AGBL1: variants seen among roughly 807,000 people sequenced by gnomAD.
AGBL1 encodes AGBL carboxypeptidase 1.
AGBL1 carries 130 observed loss-of-function variants against 118.9 expected under a neutral mutation model. That is an observed-to-expected ratio of 1.09 (90% CI 0.95 to 1.26). AGBL1 has a LOEUF of 1.26. Among genes scored for constraint, AGBL1 ranks in the 50% most tolerant of loss-of-function variants. The pLI, the probability that AGBL1 is intolerant of heterozygous loss-of-function variation, is 0.00. For missense variants in AGBL1, 1,584 were observed against 1,298.1 expected, an observed-to-expected ratio of 1.22 and a Z score of -3.38; for synonymous variants, 555 against 478.9, an observed-to-expected ratio of 1.16 and a Z score of -2.08.
chr15:86,314,714 T>C (rs926414221), intron 17 of AGBL1, among the ~76,000 whole-genome samples: 2 of 152,128 alleles, frequency 1.3e-5, no homozygotes, highest in African/African-American at 4.8e-5. Context: ...GAGACATTGC[T>C]TCCCCAGTAG....
At chr15:86,653,680 C>A (rs1301736768) in intron 21 of AGBL1, among the ~76,000 whole-genome samples, 1 of 152,084 alleles carries the variant, frequency 6.6e-6, no homozygotes, top group African/African-American at 2.4e-5. Flanking sequence ...TCTCCACTCC[C>A]AAATGGAAGA....
chr15:86,745,691 A>G (rs1469425940), intron 22 of AGBL1, among the ~76,000 whole-genome samples: 1 of 152,082 alleles, frequency 6.6e-6, no homozygotes, highest in East Asian at 1.9e-4. Context: ...GGGAAAATGG[A>G]TTGTCCAAGG....
At chr15:86,898,748 A>G (rs1240962783) in intron 22 of AGBL1, among the ~76,000 whole-genome samples, 2 of 152,222 alleles carry the variant, frequency 1.3e-5, no homozygotes, top group Non-Finnish European at 2.9e-5. Flanking sequence ...GATACTTTTC[A>G]AAAGAAGACA....
intron 18 of AGBL1, among the ~76,000 whole-genome samples, chr15:86,451,150 C>A (rs1232101948): frequency 6.6e-6 from 1 of 152,124 alleles, no homozygotes; most frequent in Admixed American, 6.5e-5. Flanking sequence ...ATGTTTTATG[C>A]CTGAACTGGT....
At chr15:86,381,814 T>G (rs1596041922) in intron 17 of AGBL1, among the ~76,000 whole-genome samples, 1 of 152,138 alleles carries the variant, frequency 6.6e-6, no homozygotes, top group African/African-American at 2.4e-5. Context: ...CAAATTGTAC[T>G]GTGGGGGTGC....
intron 2 of AGBL1, among the ~76,000 whole-genome samples, chr15:86,142,902 C>T (rs563349152): frequency 3.3e-5 from 5 of 152,328 alleles, no homozygotes; most frequent in Admixed American, 1.3e-4. Flanking sequence ...TACTTTGCCT[C>T]TTGCAGAGAA....
chr15:86,424,737 A>G (rs2081842625), intron 18 of AGBL1, among the ~76,000 whole-genome samples: 1 of 152,230 alleles, frequency 6.6e-6, no homozygotes, highest in Non-Finnish European at 1.5e-5. Flanking sequence ...AAGGATGTGA[A>G]TAGAAATTTT....
chr15:86,771,102 G>C (rs544816756), intron 22 of AGBL1, among the ~76,000 whole-genome samples: 2 of 152,146 alleles, frequency 1.3e-5, no homozygotes, highest in African/African-American at 2.4e-5. Flanking sequence ...GTCAAAGATG[G>C]AAGGAAGTTG....
chr15:86,448,701 A>G (rs1375842163), intron 18 of AGBL1, among the ~76,000 whole-genome samples: 2 of 79,132 alleles, frequency 2.5e-5, no homozygotes, highest in Non-Finnish European at 2.1e-5. Flanking sequence ...TCAGATTGTC[A>G]GGGAGAGGCT....
At chr15:86,397,292 A>G in intron 17 of AGBL1, 74 bp from the exon 18 acceptor site, 1 of 1,113,068 alleles carries the variant, frequency 9.0e-7, no homozygotes, top group Non-Finnish European at 1.2e-6. Context: ...GAAGCAAAAA[A>G]GAAGTTTAGA....
At chr15:86,701,245 G>A (rs1343495672) in intron 22 of AGBL1, among the ~76,000 whole-genome samples, 1 of 152,114 alleles carries the variant, frequency 6.6e-6, no homozygotes, top group African/African-American at 2.4e-5. Context: ...GGAGACAAGA[G>A]AGGATATGAT....
chr15:86,113,211 C>A (rs1242845121), intron 1 of AGBL1, among the ~76,000 whole-genome samples: 2 of 94,362 alleles, frequency 2.1e-5, no homozygotes, highest in Non-Finnish European at 4.9e-5. Context: ...TTTTCTTTTT[C>A]TTTTTCTTTT....
chr15:86,439,021 C>A (rs1036097096), intron 18 of AGBL1, among the ~76,000 whole-genome samples: 1 of 152,078 alleles, frequency 6.6e-6, no homozygotes, highest in African/African-American at 2.4e-5. Context: ...CTACCAAGCC[C>A]TATCTGCTAT....
At chr15:86,524,414 A>G (rs1055858875) in intron 19 of AGBL1, among the ~76,000 whole-genome samples, 1 of 152,228 alleles carries the variant, frequency 6.6e-6, no homozygotes, top group African/African-American at 2.4e-5. Flanking sequence ...GGCAGAGTAC[A>G]GGAGAGACAA....
Position 86,951,225 on chromosome 15 carries a change from G to A in AGBL1, c.3222-36762G>A, listed in dbSNP as rs60880632. Among the ~76,000 whole-genome samples, 645 of 152,282 alleles carry A rather than the reference G, an allele frequency of 4.2e-3. 4 individuals carry two copies. The highest frequency in any genetic ancestry group is 0.014 in the African/African-American group (576 of 41,558). On this transcript the variant is annotated intron_variant, in intron 23 of 24. Coordinates refer to the AGBL1 transcript ENST00000441037. ...TGTTAAGTGTTGGTGAGGATAAGAA[G>A]CTAGTGGAACTATGAACTGGCACAA... is the stretch of plus-strand genomic sequence containing the variant.
intron 9 of AGBL1, among the ~76,000 whole-genome samples, chr15:86,262,058 C>G (rs2078995807): frequency 2.1e-5 from 2 of 96,592 alleles, no homozygotes; most frequent in East Asian, 6.0e-4. Flanking sequence ...TAATTCACTG[C>G]TAGGCCTATG....
intron 1 of AGBL1, among the ~76,000 whole-genome samples, chr15:86,131,369 C>T (rs1412502263): frequency 6.6e-6 from 1 of 152,134 alleles, no homozygotes; most frequent in Non-Finnish European, 1.5e-5. Flanking sequence ...GTTTTAAAAT[C>T]ATCACAGTTT....
chr15:86,901,945 A>G (rs1438287338), intron 22 of AGBL1, among the ~76,000 whole-genome samples: 1 of 152,162 alleles, frequency 6.6e-6, no homozygotes, highest in Non-Finnish European at 1.5e-5. Context: ...ATTAATAATA[A>G]TACATTTATT....
chr15:86,948,044 A>G (rs537314345), intron 23 of AGBL1, among the ~76,000 whole-genome samples: 7 of 152,314 alleles, frequency 4.6e-5, no homozygotes, highest in Admixed American at 6.5e-5. Flanking sequence ...GAGCCTTTCA[A>G]TTCTGCAATT....
Sources: allele counts gnomAD v4.1 joint callset (sites outside exome capture counted in the v4.1 genomes callset), GRCh38; gene constraint gnomAD v4.1.1; transcripts MANE v1.5; gene names NCBI Gene and HGNC (gene_info 2026-07-23, HGNC 2026-07-21).